ZNF704: variants seen among roughly 807,000 people sequenced by gnomAD.
The protein encoded by ZNF704 is zinc finger protein 704, also known as glucocorticoid induced gene 1.
Under a neutral mutation model 44.7 loss-of-function variants are expected in ZNF704, and 10 were observed. That is an observed-to-expected ratio of 0.22 (90% CI 0.14 to 0.38). The LOEUF (loss-of-function observed/expected upper bound fraction) is 0.38, where lower values mean the gene tolerates loss of function less well. Among genes scored for constraint, ZNF704 ranks in the 10% least tolerant of loss-of-function variants. The pLI is 1.00. For synonymous variants in ZNF704, 211 were observed against 207.6 expected (o/e 1.02, Z -0.14); for missense variants, 390 against 545.5 (o/e 0.71, Z 2.84).
chr8:80,766,515 G>A (rs1807230086), intron 2 of ZNF704, among the ~76,000 whole-genome samples: 1 of 152,122 alleles, frequency 6.6e-6, no homozygotes, highest in Non-Finnish European at 1.5e-5. Flanking sequence ...TTTAGCTTCA[G>A]TTATCTCCAA....
chr8:80,734,101 A>G (rs1407289457), intron 2 of ZNF704, among the ~76,000 whole-genome samples: 1 of 152,240 alleles, frequency 6.6e-6, no homozygotes, highest in East Asian at 1.9e-4. Context: ...AACTGGTCAT[A>G]GCAAAATGTG....
intron 1 of ZNF704, among the ~76,000 whole-genome samples, chr8:80,833,819 A>C (rs1808510658): frequency 6.6e-6 from 1 of 152,304 alleles, no homozygotes; most frequent in East Asian, 1.9e-4. Flanking sequence ...AGGGCTGCCA[A>C]ACAAGGAGAT....
intron 2 of ZNF704, among the ~76,000 whole-genome samples, chr8:80,708,980 G>GA (rs2131655901): frequency 6.6e-6 from 1 of 152,178 alleles, no homozygotes; most frequent in East Asian, 1.9e-4. Context: ...AATTTGATGG[G>GA]AAAGTAAGCC....
rs569371375 is a variant in ZNF704, at chr8:80,682,724, C to T, written c.558+4502G>A. Among the ~76,000 whole-genome samples, 672 of 152,166 alleles carry T rather than the reference C, an allele frequency of 4.4e-3. 4 individuals are homozygous for T. The highest frequency in any genetic ancestry group is 0.015 in the African/African-American group (622 of 41,518). ...CCCCATTCAGGCAGTTGCCAAACGG[C>T]GGTGGGGGAGGGGGGAGGAGGAAAG... is the stretch of plus-strand genomic sequence containing the variant. On this transcript the variant is annotated intron_variant, in intron 4 of 8. Transcript: ENST00000327835.
At chr8:80,839,857 A>AGT (rs1280899731) in intron 1 of ZNF704, among the ~76,000 whole-genome samples, 1 of 152,066 alleles carries the variant, frequency 6.6e-6, no homozygotes, top group African/African-American at 2.4e-5. Context: ...AGAGAGAGAG[A>AGT]GTAAATGAAT....
At chr8:80,871,801 A>C (rs1243408100) in intron 1 of ZNF704, among the ~76,000 whole-genome samples, 1 of 152,262 alleles carries the variant, frequency 6.6e-6, no homozygotes, top group Non-Finnish European at 1.5e-5. Flanking sequence ...TGTCTTTAAA[A>C]GAGTAATTTA....
intron 5 of ZNF704, among the ~76,000 whole-genome samples, chr8:80,668,315 A>G (rs1818227152): frequency 6.6e-6 from 1 of 152,202 alleles, no homozygotes; most frequent in Non-Finnish European, 1.5e-5. Context: ...CTAACATAAA[A>G]TCCATGCCTC....
At chr8:80,725,633 C>T (rs1806466194) in intron 2 of ZNF704, among the ~76,000 whole-genome samples, 1 of 152,046 alleles carries the variant, frequency 6.6e-6, no homozygotes, top group Non-Finnish European at 1.5e-5. Context: ...TTGATTTGTC[C>T]AAGATGATGA....
chr8:80,718,480 G>C (rs1314321523), intron 2 of ZNF704, among the ~76,000 whole-genome samples: 3 of 152,132 alleles, frequency 2.0e-5, no homozygotes, highest in African/African-American at 7.2e-5. Flanking sequence ...ACTTGCTTCA[G>C]CCCGTAAAAT....
intron 2 of ZNF704, among the ~76,000 whole-genome samples, chr8:80,799,411 C>T (rs894233064): frequency 6.6e-6 from 1 of 152,100 alleles, no homozygotes; most frequent in Non-Finnish European, 1.5e-5. Context: ...CTTAATGATG[C>T]ATCCTGATGT....
intron 2 of ZNF704, among the ~76,000 whole-genome samples, chr8:80,746,359 A>G (rs1419463899): frequency 2.0e-5 from 3 of 152,240 alleles, no homozygotes; most frequent in African/African-American, 7.2e-5. Context: ...TTAATAGGGC[A>G]GACCTGGGTT....
chr8:80,852,482 T>C (rs965716726), intron 1 of ZNF704, among the ~76,000 whole-genome samples: 4 of 152,226 alleles, frequency 2.6e-5, no homozygotes, highest in Non-Finnish European at 5.9e-5. Flanking sequence ...GAATGAACTT[T>C]TCTTGATGGC....
intron 2 of ZNF704, among the ~76,000 whole-genome samples, chr8:80,696,671 G>A (rs947779409): frequency 2.0e-5 from 3 of 152,206 alleles, no homozygotes; most frequent in Non-Finnish European, 4.4e-5. Context: ...ACCTGCCTTA[G>A]CCTCCTGAAG....
At chr8:80,854,079 T>A (rs1364061268) in intron 1 of ZNF704, among the ~76,000 whole-genome samples, 1 of 152,210 alleles carries the variant, frequency 6.6e-6, no homozygotes, top group African/African-American at 2.4e-5. Flanking sequence ...CACCACTGCC[T>A]CGTGACTGAA....
At chr8:80,796,989 G>GAGGT (rs1807816234) in intron 2 of ZNF704, among the ~76,000 whole-genome samples, 1 of 122,002 alleles carries the variant, frequency 8.2e-6, no homozygotes, top group Non-Finnish European at 1.9e-5. Flanking sequence ...GGGAGGGAGG[G>GAGGT]AGGAAGGAAG....
chr8:80,760,961 G>A (rs1037411116), intron 2 of ZNF704, among the ~76,000 whole-genome samples: 3 of 152,108 alleles, frequency 2.0e-5, no homozygotes, highest in African/African-American at 7.2e-5. Flanking sequence ...CACCAAGGGA[G>A]ATGGTGCTAA....
chr8:80,679,925 C>T (rs1199286075), intron 4 of ZNF704, among the ~76,000 whole-genome samples: 2 of 152,168 alleles, frequency 1.3e-5, no homozygotes, highest in East Asian at 3.9e-4. Context: ...GAGAACTTCC[C>T]AGAGATTTTC....
At chr8:80,703,215 T>C (rs1343178298) in intron 2 of ZNF704, among the ~76,000 whole-genome samples, 1 of 152,002 alleles carries the variant, frequency 6.6e-6, no homozygotes, top group African/African-American at 2.4e-5. Context: ...CTTTCTCCTC[T>C]CCATACCTGT....
In ZNF704 at chr8:80,640,643, C is replaced by T. The variant is rs1048611546; in HGVS notation, c.*723G>A. The T allele has an allele frequency of 6.6e-6, 1 of 152,216 alleles. No homozygotes were observed. The highest frequency in any genetic ancestry group is 1.5e-5 in the Non-Finnish European group (1 of 68,074). The allele number at this position is 152,216 out of a possible 1,614,324, so 9.4% of individuals were successfully genotyped here. ...ATCCAAGGAAGACTCCTAGATGTTT[C>T]CCAACAGTGACAGCTGGACTTCCTG... is the stretch of plus-strand genomic sequence containing the variant. On this transcript the variant is annotated 3_prime_UTR_variant, in exon 9 of 9. Coordinates refer to ENST00000327835, the MANE Select transcript of ZNF704 (RefSeq NM_001033723.3).
Sources: allele counts gnomAD v4.1 joint callset (sites outside exome capture counted in the v4.1 genomes callset), GRCh38; gene constraint gnomAD v4.1.1; transcripts MANE v1.5; gene names NCBI Gene and HGNC (gene_info 2026-07-23, HGNC 2026-07-21).